Variants in SASS6 observed in about 807,000 individuals in gnomAD.
SASS6 encodes the protein spindle assembly abnormal protein 6 homolog.
SASS6 carries 59 observed loss-of-function variants against 94.9 expected under a neutral mutation model. The ratio of observed to expected loss-of-function variants is 0.62; its 90% CI spans 0.50 to 0.77. The LOEUF is 0.77. SASS6 is among the 30% of genes least tolerant of loss of function. The pLI is 0.00. For synonymous variants in SASS6, 264 were observed against 270.0 expected (o/e 0.98, Z 0.22); for missense variants, 698 against 734.1 (o/e 0.95, Z 0.57).
Position 100,085,073 on chromosome 1 carries a change from A to G in SASS6, c.*255T>C, listed in dbSNP as rs569952015. ...CTGAATTTCTAAAGAATAGCTTAAT[A>G]AAATTCATATTATTCTATAAAACGC... On this transcript the variant is annotated 3_prime_UTR_variant, in exon 17 of 17. Transcript: ENST00000287482. 5 of 389,700 alleles carry G rather than the reference A, an allele frequency of 1.3e-5. No homozygotes were observed. Among genetic ancestry groups the G allele is most frequent in the Non-Finnish European group, 1.9e-5 (4 of 215,120 alleles). 24.1% of individuals were successfully genotyped at this position (389,700 alleles called of 1,614,324 possible). A position where few individuals can be genotyped will look rare whatever the true frequency, so the allele number is the denominator to read the frequency against.
chr1:100,105,461 A>G (rs546534564), intron 13 of SASS6, among the ~76,000 whole-genome samples: 1 of 152,112 alleles, frequency 6.6e-6, no homozygotes, highest in South Asian at 2.1e-4. Flanking sequence ...CGGGAGGCGG[A>G]GCTTGCAGTG....
Position 100,120,438 on chromosome 1 carries a change from G to A in SASS6, c.505C>T (p.Gln169Ter). Residue 169 changes from glutamine (Q) to a stop codon, truncating the protein, a stop_gained, in exon 6 of 17, where the codon CAA (glutamine) becomes TAA (stop). Coordinates refer to ENST00000287482, the MANE Select transcript of SASS6 (RefSeq NM_194292.3). LOFTEE classifies it high-confidence loss of function. ...TGCTTAGTAGCATCATCTAGTGATT[G>A]CATCAATGATAATTTTTCTTCCTAT... ...CSKEEKLSLMQSLDDATKQLD... is the reference protein window; with the variant it reads ...CSKEEKLSLM The A allele has an allele frequency of 6.8e-7, 1 of 1,475,606 alleles. No individual in the cohort carries two copies. Among genetic ancestry groups the A allele is most frequent in the Non-Finnish European group, 9.5e-7 (1 of 1,055,066 alleles). 91.4% of individuals were successfully genotyped at this position (1,475,606 alleles called of 1,614,324 possible). A position where few individuals can be genotyped will look rare whatever the true frequency, so the allele number is the denominator to read the frequency against.
chr1:100,123,356 G>A (rs1654348652), intron 2 of SASS6, 67 bp from the exon 3 acceptor site: 1 of 745,228 alleles, frequency 1.3e-6, no homozygotes, highest in African/African-American at 1.8e-5. Flanking sequence ...TTTCTTCTCA[G>A]AAGTAAAGAA....
rs773322701 is a variant in SASS6, at chr1:100,125,925, A to G, written c.83T>C (p.Met28Thr). 4 of 1,550,280 alleles carry G rather than the reference A, an allele frequency of 2.6e-6. No homozygotes were observed. Among genetic ancestry groups the G allele is most frequent in the Admixed American group, 1.9e-5 (1 of 52,578 alleles). The part of the protein sequence containing the change: ...DCEERRVSIR[M>T]SIELQSVSNP... ...AGAAACTGATTGTAGTTCAATGCTC[A>G]TTCTTATACTTACTCTCCTGTAGGA... Residue 28 changes from methionine to threonine, a missense_variant, in exon 2 of 17, where the codon ATG becomes ACG. Transcript: ENST00000287482.
At chr1:100,107,269 A>C (rs540469440) in intron 11 of SASS6, 105 bp downstream of exon 11, 1 of 416,336 alleles carries the variant, frequency 2.4e-6, no homozygotes, top group Non-Finnish European at 4.2e-6. Context: ...TTCTTTTGTT[A>C]AAAAAAAAAA....
intron 14 of SASS6, among the ~76,000 whole-genome samples, chr1:100,093,789 A>G (rs1651926483): frequency 6.6e-6 from 1 of 152,154 alleles, no homozygotes; most frequent in Non-Finnish European, 1.5e-5. Context: ...AGAAAAAAAA[A>G]TATTTTAAAC....
rs1025105743 is a variant in SASS6, at chr1:100,085,204, T to C, written c.*124A>G. On this transcript the variant is annotated 3_prime_UTR_variant, in exon 17 of 17. Transcript: ENST00000287482. ...TGCCATAAAAGCAGTACTTAAAGTATCCAGTCTTTAACAGCTCAAGTAAAA... is the reference window on the plus strand; with the variant it reads ...TGCCATAAAAGCAGTACTTAAAGTACCCAGTCTTTAACAGCTCAAGTAAAA... 2.4e-5 allele frequency: 17 copies of C among 695,104 alleles called. No homozygotes were observed. The highest frequency in any genetic ancestry group is 4.4e-5 in the Non-Finnish European group (17 of 384,410). 43.1% of individuals were successfully genotyped at this position (695,104 alleles called of 1,614,324 possible). A position where few individuals can be genotyped will look rare whatever the true frequency, so the allele number is the denominator to read the frequency against.
At chr1:100,117,619 C>T (rs1318412856) in intron 7 of SASS6, among the ~76,000 whole-genome samples, 2 of 151,238 alleles carry the variant, frequency 1.3e-5, no homozygotes, top group Non-Finnish European at 1.5e-5. Context: ...TGCCACTGCA[C>T]TCCAGTCTGA....
rs1653000284 is a variant in SASS6 at position 100,107,549 on chromosome 1, T to C, written c.1151A>G (p.Asn384Ser). 3.1e-6 allele frequency: 5 copies of C among 1,596,176 alleles called. No homozygotes were observed. Among genetic ancestry groups the C allele is most frequent in the Non-Finnish European group, 4.3e-6 (5 of 1,169,322 alleles). Residue 384 changes from asparagine to serine, a missense_variant, in exon 11 of 17, where the codon AAT becomes AGT. Transcript: ENST00000287482. ...CCCTTGTAACTTCTTGATAATTTCA[T>C]TTGCCTATAAAAGAGCTTCATATGT... ...KSLSAELLKA[N>S]EIIKKLQGDL...
Position 100,085,633 on chromosome 1 carries a change from TAAAAA to T in SASS6, c.1773-8_1773-4del, listed in dbSNP as rs1448633358. The T allele has an allele frequency of 6.4e-7, 1 of 1,570,440 alleles. No individual in the cohort carries two copies. Among genetic ancestry groups the T allele is most frequent in the Admixed American group, 1.7e-5 (1 of 59,050 alleles). On this transcript the variant is annotated splice_region_variant and splice_polypyrimidine_tract_variant and intron_variant, in intron 15 of 16. Coordinates refer to ENST00000287482, the MANE Select transcript of SASS6 (RefSeq NM_194292.3). ...ATTCCAACCCTACATTTTCACCACT[TAAAAA>T]GAAAATGGTAATAACTTATTTAACA...
At chr1:100,127,346 A>G (rs1486010909) in intron 1 of SASS6, among the ~76,000 whole-genome samples, 2 of 152,256 alleles carry the variant, frequency 1.3e-5, no homozygotes, top group Non-Finnish European at 2.9e-5. Context: ...TAAAAAGTAT[A>G]AACAGCAATT....
intron 4 of SASS6, 147 bp downstream of exon 4, chr1:100,122,233 C>A: frequency 2.3e-6 from 1 of 433,822 alleles, no homozygotes; most frequent in Non-Finnish European, 4.1e-6. Flanking sequence ...GCCTTAAAGT[C>A]TGAGATTTAA....
rs1366722287 is a variant in SASS6, at chr1:100,117,080, G to A, written c.669+1938C>T. ...AGGCTGAGGAGGGCAGATCACCTAA[G>A]GTCAGGAGTTCGAGACCATCCTGGC... On this transcript the variant is annotated intron_variant, in intron 7 of 16. Transcript: ENST00000287482. Among the ~76,000 whole-genome samples, 3 of 151,596 alleles carry A rather than the reference G, an allele frequency of 2.0e-5. No individual in the cohort carries two copies. In the East Asian group the frequency reaches 5.9e-4, roughly 30 times the overall value.
Position 100,084,165 on chromosome 1 carries a change from A to C in SASS6, c.*1163T>G, listed in dbSNP as rs1651054411. On this transcript the variant is annotated 3_prime_UTR_variant, in exon 17 of 17. Transcript: ENST00000287482. Reference sequence around the variant, plus strand: ...CGTAAAAAAAAAAAAAAAATTAGCAAAGATTCTTTCTTACCATGGGACTCA... The same window carrying C: ...CGTAAAAAAAAAAAAAAAATTAGCACAGATTCTTTCTTACCATGGGACTCA... 1 of 151,734 alleles carries C rather than the reference A, an allele frequency of 6.6e-6. No individual in the cohort carries two copies. 9.4% of individuals were successfully genotyped at this position (151,734 alleles called of 1,614,324 possible). A position where few individuals can be genotyped will look rare whatever the true frequency, so the allele number is the denominator to read the frequency against.
In SASS6 at chr1:100,132,859, C is replaced by G; in HGVS notation, c.-45G>C. The G allele has an allele frequency of 6.4e-7, 1 of 1,574,602 alleles. No homozygotes were observed. The highest frequency in any genetic ancestry group is 2.2e-5 in the East Asian group (1 of 44,702). Reference sequence around the variant, plus strand: ...TGGTGTGCAGAAAAGCCCAACAGGCCCGGCCCTCGGGATTAGCCTGAGAGG... The same window carrying G: ...TGGTGTGCAGAAAAGCCCAACAGGCGCGGCCCTCGGGATTAGCCTGAGAGG... On this transcript the variant is annotated 5_prime_UTR_variant, in exon 1 of 17. Transcript: ENST00000287482.
intron 2 of SASS6, among the ~76,000 whole-genome samples, chr1:100,125,269 T>C (rs946286559): frequency 7.7e-5 from 11 of 142,902 alleles, no homozygotes; most frequent in African/African-American, 3.1e-4. Context: ...CCAACAGCAA[T>C]AAAATATATT....
At chr1:100,115,307 T>G (rs1653696221) in intron 7 of SASS6, among the ~76,000 whole-genome samples, 1 of 152,172 alleles carries the variant, frequency 6.6e-6, no homozygotes, top group Admixed American at 6.5e-5. Context: ...GTCTCATTTA[T>G]GCAGTAAAAA....
intron 14 of SASS6, among the ~76,000 whole-genome samples, chr1:100,100,867 A>G (rs1163087656): frequency 6.6e-6 from 1 of 152,236 alleles, no homozygotes; most frequent in Non-Finnish European, 1.5e-5. Flanking sequence ...TGGGTCTTTG[A>G]GTCGGGGAGG....
At chr1:100,128,188 C>T (rs562330031) in intron 1 of SASS6, among the ~76,000 whole-genome samples, 8 of 152,250 alleles carry the variant, frequency 5.3e-5, no homozygotes, top group Non-Finnish European at 4.4e-5. Context: ...AGGGGCACAA[C>T]ACCACACCTG....
Sources: gnomAD v4.1 joint callset for allele counts (sites outside exome capture counted in the v4.1 genomes callset) on GRCh38, gnomAD v4.1.1 for gene constraint, MANE v1.5 for transcripts, NCBI Gene and HGNC (gene_info 2026-07-23, HGNC 2026-07-21) for gene names.